NHSL1: variants seen among roughly 807,000 people sequenced by gnomAD.
The protein encoded by NHSL1 is NHS-like protein 1.
NHSL1 carries 48 observed loss-of-function variants against 95.0 expected under a neutral mutation model. The observed-to-expected ratio is 0.51, with a 90% CI of 0.40 to 0.64. NHSL1 has a LOEUF of 0.64. Ranked by LOEUF, NHSL1 falls within the 30% of genes least tolerant of loss-of-function variation. NHSL1 has a pLI of 0.00. For synonymous variants in NHSL1, 783 were observed against 833.9 expected (o/e 0.94, Z 1.05); for missense variants, 1,971 against 2,077.7 (o/e 0.95, Z 1.00).
At chr6:138,588,623 C>T (rs1430051642) in intron 1 of NHSL1, among the ~76,000 whole-genome samples, 2 of 152,136 alleles carry the variant, frequency 1.3e-5, no homozygotes, top group African/African-American at 2.4e-5. Context: ...ATCATCTGTC[C>T]GTAGAACAGA....
intron 1 of NHSL1, among the ~76,000 whole-genome samples, chr6:138,690,167 T>C (rs950526456): frequency 6.6e-6 from 1 of 152,210 alleles, no homozygotes; most frequent in African/African-American, 2.4e-5. Flanking sequence ...TCCATACTAA[T>C]GGAGTATGAT....
chr6:138,519,637 A>T (rs889620170), intron 1 of NHSL1, among the ~76,000 whole-genome samples: 1 of 152,222 alleles, frequency 6.6e-6, no homozygotes, highest in Non-Finnish European at 1.5e-5. Context: ...AAATTTTTAC[A>T]AACAAGCACA....
chr6:138,572,140 T>C, exon 1 of NHSL1: 2 of 471,698 alleles, frequency 4.2e-6, no homozygotes, highest in Non-Finnish European at 7.4e-6. Flanking sequence ...AGCCACATTG[T>C]GGACTCCGTT....
chr6:138,466,048 G>A (rs889247906), intron 3 of NHSL1, among the ~76,000 whole-genome samples: 1 of 139,346 alleles, frequency 7.2e-6, no homozygotes, highest in Non-Finnish European at 1.5e-5. Context: ...TTTTGGGGGG[G>A]GGGCAGGGGG....
chr6:138,675,522 A>G (rs1422842026), intron 1 of NHSL1, among the ~76,000 whole-genome samples: 2 of 151,970 alleles, frequency 1.3e-5, no homozygotes, highest in Non-Finnish European at 2.9e-5. Context: ...GAAAATTCTT[A>G]CATTATTTAT....
chr6:138,662,810 G>C (rs1487289933), intron 1 of NHSL1, among the ~76,000 whole-genome samples: 1 of 150,450 alleles, frequency 6.6e-6, no homozygotes, highest in Non-Finnish European at 1.5e-5. Context: ...ACCTGTCTCA[G>C]AAGAAAAAAA....
chr6:138,645,378 G>A (rs1785004715), intron 1 of NHSL1, among the ~76,000 whole-genome samples: 1 of 152,042 alleles, frequency 6.6e-6, no homozygotes, highest in Non-Finnish European at 1.5e-5. Flanking sequence ...GGCCTACCCG[G>A]CCTACTGAAA....
intron 1 of NHSL1, among the ~76,000 whole-genome samples, chr6:138,511,423 T>A (rs546849658): frequency 2.4e-4 from 37 of 151,302 alleles, no homozygotes; most frequent in Admixed American, 4.0e-4. Flanking sequence ...TGTGTGTGTG[T>A]GAGAGAGAGT....
Position 138,424,884 on chromosome 6 carries a change from T to C in NHSL1, c.4086-68A>G. On this transcript the variant is annotated intron_variant, in intron 7 of 7. Coordinates refer to ENST00000343505, the MANE Select transcript of NHSL1 (RefSeq NM_001144060.2). This position sits in a 1 kb window ranked among gnomAD's most constrained non-coding sequence, Gnocchi z 5.9. Reference sequence around the variant, plus strand: ...ACCACAGGCTGTCAGCCACAACCACTCTGCTCTTATCGCATCTTCAGGTCA... The same window carrying C: ...ACCACAGGCTGTCAGCCACAACCACCCTGCTCTTATCGCATCTTCAGGTCA... The C allele has an allele frequency of 7.9e-7, 1 of 1,265,204 alleles. No individual in the cohort carries two copies. 78.4% of individuals were successfully genotyped at this position (1,265,204 alleles called of 1,614,324 possible).
intron 1 of NHSL1, among the ~76,000 whole-genome samples, chr6:138,524,412 A>G (rs895166481): frequency 7.9e-5 from 12 of 152,156 alleles, no homozygotes; most frequent in African/African-American, 2.7e-4. Context: ...ATCCCCACAC[A>G]TAACCATTAC....
At chr6:138,608,237 C>T (rs966064535) in intron 1 of NHSL1, among the ~76,000 whole-genome samples, 7 of 152,220 alleles carry the variant, frequency 4.6e-5, no homozygotes, top group African/African-American at 1.7e-4. Flanking sequence ...ATGAAAATTA[C>T]TTTGAATGAC....
chr6:138,430,590 C>T lies in NHSL1; in HGVS notation c.3755G>A (p.Gly1252Asp). Reference sequence around the variant, plus strand: ...GGTGCCAGGGTGCGTGGCATGAGAGCCAGCTTGGGCTGCAGAACTCTCTTT... The same window carrying T: ...GGTGCCAGGGTGCGTGGCATGAGAGTCAGCTTGGGCTGCAGAACTCTCTTT... ...EAKESSAAQAGSHATHPGTSV... is the reference protein window; with the variant it reads ...EAKESSAAQADSHATHPGTSV... Residue 1252 changes from glycine (G) to aspartate (D), a missense_variant, in exon 6 of 8, where the codon GGC becomes GAC. Around this residue, in one of 3 missense-constraint regions of NHSL1, gnomAD observed 1,602 missense variants for 1,654.5 expected, o/e 0.97. Coordinates refer to ENST00000343505, the MANE Select transcript of NHSL1 (RefSeq NM_001144060.2). This position sits in a 1 kb window ranked among gnomAD's most constrained non-coding sequence, Gnocchi z 4.7. The T allele has an allele frequency of 6.5e-7, 1 of 1,549,974 alleles. No individual in the cohort carries two copies. Among genetic ancestry groups the T allele is most frequent in the Admixed American group, 2.0e-5 (1 of 50,938 alleles).
At chr6:138,509,500 G>A (rs1781120874) in intron 1 of NHSL1, among the ~76,000 whole-genome samples, 1 of 152,174 alleles carries the variant, frequency 6.6e-6, no homozygotes, top group Admixed American at 6.5e-5. Flanking sequence ...AGAAAAAAAT[G>A]AGAGCAAAGG....
chr6:138,619,947 C>CAAAAAAAAAAAAA (rs11376703), intron 1 of NHSL1, among the ~76,000 whole-genome samples: 1 of 102,200 alleles, frequency 9.8e-6, no homozygotes, highest in Non-Finnish European at 2.0e-5. Context: ...AACTCTATCA[C>CAAAAAAAAAAAAA]AAAAAAAAAA....
intron 1 of NHSL1, among the ~76,000 whole-genome samples, chr6:138,687,966 T>TCGGGG (rs1562413616): frequency 6.6e-6 from 1 of 151,746 alleles, no homozygotes; most frequent in African/African-American, 2.4e-5. Context: ...TTTTTTTTTT[T>TCGGGG]GGGGACACAG....
At chr6:138,435,441 AAAAAAAT>A (rs1423813213) in intron 5 of NHSL1, 1 of 152,208 alleles carries the variant, frequency 6.6e-6, no homozygotes. Flanking sequence ...AGGCATGTAA[AAAAAAAT>A]AGAAATACAG....
At chr6:138,490,303 C>G (rs1779997315) in intron 2 of NHSL1, among the ~76,000 whole-genome samples, 1 of 152,118 alleles carries the variant, frequency 6.6e-6, no homozygotes. Flanking sequence ...ACAGGCCATT[C>G]CTACAAAGGC....
At chr6:138,625,614 A>T (rs555370588) in intron 1 of NHSL1, among the ~76,000 whole-genome samples, 1 of 150,094 alleles carries the variant, frequency 6.7e-6, no homozygotes, top group East Asian at 2.0e-4. Context: ...ATGAGCTCTA[A>T]AGTACTTGTT....
chr6:138,562,014 G>A (rs931865685), intron 1 of NHSL1, among the ~76,000 whole-genome samples: 1 of 152,220 alleles, frequency 6.6e-6, no homozygotes, highest in Non-Finnish European at 1.5e-5. Flanking sequence ...CAGAGATGCT[G>A]AATTCAACGG....
Sources: gnomAD v4.1 joint callset for allele counts (sites outside exome capture counted in the v4.1 genomes callset) on GRCh38, gnomAD v4.1.1 for gene constraint, gnomAD v4.1.1 regional missense constraint, Gnocchi (gnomAD v3.1) non-coding constraint, MANE v1.5 for transcripts, NCBI Gene and HGNC (gene_info 2026-07-23, HGNC 2026-07-21) for gene names.